AP3B2: variants seen among roughly 807,000 people sequenced by gnomAD.
AP3B2 encodes the protein adaptor related protein complex 3 subunit beta 2, also known as AP-3 complex subunit beta-2.
In AP3B2, 50 loss-of-function variants were observed where a neutral mutation model predicts 126.9. The observed-to-expected ratio is 0.39, with a 90% CI of 0.31 to 0.50. AP3B2 has a LOEUF of 0.50. Ranked by LOEUF, AP3B2 falls within the 20% of genes least tolerant of loss-of-function variation. The pLI is 0.79. For synonymous variants in AP3B2, 541 were observed against 565.0 expected, an observed-to-expected ratio of 0.96 and a Z score of 0.60; for missense variants, 1,177 against 1,426.4, an observed-to-expected ratio of 0.83 and a Z score of 2.82.
intron 1 of AP3B2, among the ~76,000 whole-genome samples, chr15:82,698,891 G>A (rs1255503566): frequency 6.6e-6 from 1 of 152,182 alleles, no homozygotes; most frequent in Non-Finnish European, 1.5e-5. Flanking sequence ...TGGGCCTAAA[G>A]CAGCCAGCAC....
intron 1 of AP3B2, chr15:82,691,714 T>A (rs1029369180): frequency 4.0e-6 from 6 of 1,508,872 alleles, no homozygotes; most frequent in Non-Finnish European, 5.3e-6. Flanking sequence ...AAAATTCCCA[T>A]CACCTGTCTC....
At position 82,680,836 on chromosome 15, in the gene AP3B2, CGTTCTGGGTGGG is replaced by C; in HGVS notation, c.760_771del (p.Pro254_Asn257del). 6.2e-7 allele frequency: 1 copy of C among 1,613,526 alleles called. No homozygotes were observed. The highest frequency in any genetic ancestry group is 8.5e-7 in the Non-Finnish European group (1 of 1,179,680). On this transcript the variant is annotated inframe_deletion and splice_region_variant, in exon 7 of 27. Transcript: ENST00000535359. This position sits in a 1 kb window ranked among gnomAD's most constrained non-coding sequence, Gnocchi z 6.1. ...GCTCTGCCTGGGCTGGGCCCACTTA[CGTTCTGGGTGGG>C]GCTCAGGAACTGCGTGCGGGCGTAG...
intron 14 of AP3B2, among the ~76,000 whole-genome samples, chr15:82,669,233 A>G (rs1056262925): frequency 2.0e-5 from 3 of 152,246 alleles, no homozygotes; most frequent in Non-Finnish European, 2.9e-5. Flanking sequence ...ATCTAGAGCA[A>G]TCAGACAGGA....
intron 26 of AP3B2, 31 bp from the exon 27 acceptor site, chr15:82,659,741 G>C (rs763778882): frequency 1.2e-6 from 2 of 1,611,116 alleles, no homozygotes; most frequent in South Asian, 2.2e-5. Context: ...GTGAGGAAGA[G>C]CTGCTAAGGG....
Position 82,680,697 on chromosome 15 carries a change from G to T in AP3B2, c.830C>A (p.Ala277Asp). Residue 277 changes from alanine (A) to aspartate (D), a missense_variant, in exon 8 of 27, where the codon GCC becomes GAC. Physicochemically the swap from Ala to Asp is moderately radical, Grantham distance 126. This residue lies in a region of AP3B2 where 103 missense variants were observed against 101.4 expected (regional missense o/e 1.02). Coordinates refer to ENST00000535359, the MANE Select transcript of AP3B2 (RefSeq NM_001278512.2). The surrounding 1 kb of genome is among the most constrained non-coding windows in gnomAD (Gnocchi z 6.1). ...KAFYGSEEDE[A>D]KGAGSEETAA... ...CGTCTCCTCAGACCCCGCGCCCTTGGCCTCGTCCTCCTCTGAGCCGTAGAA... is the reference window on the plus strand; with the variant it reads ...CGTCTCCTCAGACCCCGCGCCCTTGTCCTCGTCCTCCTCTGAGCCGTAGAA... 1 of 1,570,430 alleles carries T rather than the reference G, an allele frequency of 6.4e-7. No homozygotes were observed. The highest frequency in any genetic ancestry group is 8.6e-7 in the Non-Finnish European group (1 of 1,162,218).
chr15:82,681,113 G>C lies in AP3B2; in HGVS notation c.587C>G (p.Thr196Arg). The C allele has an allele frequency of 6.2e-7, 1 of 1,613,474 alleles. No homozygotes were observed. Among genetic ancestry groups the C allele is most frequent in the Admixed American group, 1.7e-5 (1 of 59,924 alleles). The change falls in exon 6 of 27, where the codon ACG becomes AGG. Residue 196 changes from threonine to arginine, a missense_variant and splice_region_variant. Physicochemically the swap from Thr to Arg is moderately conservative, Grantham distance 71 (BLOSUM62 -1). Transcript: ENST00000535359. This position sits in a 1 kb window ranked among gnomAD's most constrained non-coding sequence, Gnocchi z 4.0. ...VIEKLLADKT[T>R]LVAGSVVMAF... ...CCCGGAGCGCCCCTATACACGCACC[G>C]TGGTCTTGTCAGCCAGAAGCTTCTC... is the stretch of plus-strand genomic sequence containing the variant.
intron 1 of AP3B2, among the ~76,000 whole-genome samples, chr15:82,691,427 G>A (rs1474373202): frequency 6.6e-6 from 1 of 152,150 alleles, no homozygotes; most frequent in Non-Finnish European, 1.5e-5. Context: ...CTCAGTCACA[G>A]TAACTGTTGA....
chr15:82,691,459 CAA>C (rs2048531016), intron 1 of AP3B2, among the ~76,000 whole-genome samples: 1 of 152,070 alleles, frequency 6.6e-6, no homozygotes, highest in African/African-American at 2.4e-5. Context: ...GAGCAACCCA[CAA>C]AGACGGAACT....
intron 24 of AP3B2, 36 bp downstream of exon 24, chr15:82,662,132 C>T (rs772244622): frequency 9.0e-6 from 14 of 1,551,028 alleles, no homozygotes; most frequent in Non-Finnish European, 1.1e-5. Context: ...CCTTTCCAGC[C>T]CATCCTCTCA....
chr15:82,683,930 C>T (rs974255363), intron 4 of AP3B2, among the ~76,000 whole-genome samples: 4 of 152,202 alleles, frequency 2.6e-5, no homozygotes, highest in Admixed American at 2.6e-4. Flanking sequence ...TGAAAGGAAT[C>T]TTTAAGCGGT....
In AP3B2 at chr15:82,689,363, T is replaced by C. The variant is rs1352457171; in HGVS notation, c.189+15A>G. ...AGGCCCCGCCCGGAGGGAGGCCTCC[T>C]CCTTCCCCTCTTACCGCCACAATCC... On this transcript the variant is annotated intron_variant, in intron 2 of 26. Coordinates refer to ENST00000535359, the MANE Select transcript of AP3B2 (RefSeq NM_001278512.2). 5 of 1,613,620 alleles carry C rather than the reference T, an allele frequency of 3.1e-6. No individual in the cohort carries two copies. In the Admixed American group the frequency reaches 8.3e-5, roughly 27 times the overall value.
At chr15:82,696,911 A>T (rs2048636869) in intron 1 of AP3B2, among the ~76,000 whole-genome samples, 1 of 152,236 alleles carries the variant, frequency 6.6e-6, no homozygotes, top group Non-Finnish European at 1.5e-5. Context: ...TGCCAAGACA[A>T]TTCCAAAATG....
intron 1 of AP3B2, 98 bp downstream of exon 1, chr15:82,709,496 G>GGCCGGGGCGC (rs2048848172): frequency 1.2e-5 from 10 of 810,370 alleles, no homozygotes; most frequent in African/African-American, 5.6e-5. Flanking sequence ...GGCCGGGGCG[G>GGCCGGGGCGC]GGCCGGCGCT....
At chr15:82,684,662 G>A (rs759092039) in intron 4 of AP3B2, among the ~76,000 whole-genome samples, 2 of 152,094 alleles carry the variant, frequency 1.3e-5, no homozygotes, top group Non-Finnish European at 2.9e-5. Context: ...CTACAGGTGC[G>A]TACCACCACA....
intron 1 of AP3B2, among the ~76,000 whole-genome samples, chr15:82,701,427 A>C (rs959863933): frequency 3.3e-5 from 5 of 152,192 alleles, no homozygotes; most frequent in South Asian, 2.1e-4. Context: ...AAAAAAAAAA[A>C]CCCAAAATAA....
chr15:82,698,706 G>A (rs2048668475), intron 1 of AP3B2, among the ~76,000 whole-genome samples: 2 of 152,068 alleles, frequency 1.3e-5, no homozygotes, highest in Middle Eastern at 3.2e-3. Context: ...TTCCGTGGAA[G>A]GAGGGCCAAG....
Position 82,663,951 on chromosome 15 carries a change from C to A in AP3B2, c.2286G>T (p.Lys762Asn). 6.2e-7 allele frequency: 1 copy of A among 1,606,432 alleles called. No individual in the cohort carries two copies. The change falls in exon 20 of 27, where the codon AAG becomes AAT. Residue 762 changes from lysine to asparagine, a missense_variant. Coordinates refer to ENST00000535359, the MANE Select transcript of AP3B2 (RefSeq NM_001278512.2). ...SESEQSEEDG[K>N]RKTKKKVPER... ...CTGGCACCTTCTTCTTTGTCTTCCT[C>A]TTACCATCCTCCTCACTCTGTTCAC...
At chr15:82,675,294 T>A (rs1444486966) in intron 14 of AP3B2, among the ~76,000 whole-genome samples, 1 of 152,208 alleles carries the variant, frequency 6.6e-6, no homozygotes, top group African/African-American at 2.4e-5. Flanking sequence ...CTAGCATATT[T>A]AATTATACAG....
intron 1 of AP3B2, among the ~76,000 whole-genome samples, chr15:82,700,053 A>C (rs1348086044): frequency 6.6e-6 from 1 of 151,950 alleles, no homozygotes; most frequent in Admixed American, 6.6e-5. Flanking sequence ...GGGACAGGAG[A>C]CCAAGCCTAC....
Sources: allele counts gnomAD v4.1 joint callset (sites outside exome capture counted in the v4.1 genomes callset), GRCh38; gene constraint gnomAD v4.1.1; regional missense constraint gnomAD v4.1.1; non-coding constraint Gnocchi (gnomAD v3.1); transcripts MANE v1.5; gene names NCBI Gene and HGNC (gene_info 2026-07-23, HGNC 2026-07-21).